Variants in ACER3 observed in about 807,000 individuals in gnomAD.
ACER3 encodes alkCDase 3.
A neutral mutation model predicts 48.9 loss-of-function variants in ACER3; 16 were observed. That is an observed-to-expected ratio of 0.33 (90% CI 0.22 to 0.50). The LOEUF is 0.50. Ranked by LOEUF, ACER3 falls within the 20% of genes least tolerant of loss-of-function variation. ACER3 has a pLI of 0.98. For synonymous variants in ACER3, 109 were observed against 107.8 expected, an observed-to-expected ratio of 1.01 and a Z score of -0.07; for missense variants, 227 against 326.0, an observed-to-expected ratio of 0.70 and a Z score of 2.34.
intron 1 of ACER3, among the ~76,000 whole-genome samples, chr11:76,890,503 G>A (rs890288871): frequency 1.3e-5 from 2 of 152,124 alleles, no homozygotes; most frequent in African/African-American, 4.8e-5. Flanking sequence ...ATGAAATGGA[G>A]GATACTAGAG....
chr11:76,897,034 T>C (rs1038377771), intron 1 of ACER3, among the ~76,000 whole-genome samples: 1 of 152,130 alleles, frequency 6.6e-6, no homozygotes, highest in Non-Finnish European at 1.5e-5. Context: ...CTCAGCTCAC[T>C]GCAACCTCCA....
intron 2 of ACER3, among the ~76,000 whole-genome samples, chr11:76,932,442 TAAGA>T (rs1947031942): frequency 6.6e-6 from 1 of 152,218 alleles, no homozygotes; most frequent in Non-Finnish European, 1.5e-5. Flanking sequence ...ATATGCATTT[TAAGA>T]AAGTTACTTG....
rs398016733 is a variant in ACER3 at position 76,952,668 on chromosome 11, C to CTTTTTTT, written c.215-6300_215-6294dup. On this transcript the variant is annotated intron_variant, in intron 2 of 10. Coordinates refer to ENST00000532485, the MANE Select transcript of ACER3 (RefSeq NM_018367.7). ...TGGCTATAGAAGTTACGTAAGATTT[C>CTTTTTTT]TTTTTTTTTTTTTTTTTAGACAGAG... Among the ~76,000 whole-genome samples, 3 of 132,992 alleles carry CTTTTTTT rather than the reference C, an allele frequency of 2.3e-5. 1 individual carries two copies. Among genetic ancestry groups the CTTTTTTT allele is most frequent in the Non-Finnish European group, 4.7e-5 (3 of 63,226 alleles). The allele number at this position is 132,992 out of a possible 152,430, so 87.2% of individuals were successfully genotyped here.
chr11:77,012,416 C>CAAAA (rs35917677), intron 7 of ACER3, among the ~76,000 whole-genome samples: 9 of 21,362 alleles, frequency 4.2e-4, no homozygotes, highest in African/African-American at 5.8e-4. Context: ...GACTCCATCT[C>CAAAA]AAAAAAAAAA....
chr11:76,924,058 C>G (rs181059225), intron 1 of ACER3, among the ~76,000 whole-genome samples: 1 of 152,214 alleles, frequency 6.6e-6, no homozygotes, highest in Admixed American at 6.5e-5. Context: ...CGCTTTGTTT[C>G]CTCATCAGGG....
At chr11:77,010,347 C>CT (rs1457446227) in intron 7 of ACER3, among the ~76,000 whole-genome samples, 1 of 146,316 alleles carries the variant, frequency 6.8e-6, no homozygotes, top group Admixed American at 7.0e-5. Context: ...GACTTTCTGT[C>CT]TAATTTTTTT....
At chr11:76,968,480 G>A (rs1948200610) in intron 3 of ACER3, among the ~76,000 whole-genome samples, 1 of 152,134 alleles carries the variant, frequency 6.6e-6, no homozygotes, top group South Asian at 2.1e-4. Flanking sequence ...AGCCCGCATA[G>A]CCAAGTCAAT....
At chr11:76,986,554 C>A (rs1397553663) in intron 5 of ACER3, among the ~76,000 whole-genome samples, 2 of 152,122 alleles carry the variant, frequency 1.3e-5, no homozygotes, top group African/African-American at 2.4e-5. Context: ...AGTGAACTAC[C>A]ATTTTCAATC....
In ACER3 at chr11:76,916,784, T is replaced by C. The variant is rs191705280; in HGVS notation, c.104-9773T>C. On this transcript the variant is annotated intron_variant, in intron 1 of 10. Coordinates refer to ENST00000532485, the MANE Select transcript of ACER3 (RefSeq NM_018367.7). The stretch of plus-strand genomic sequence containing the variant: ...ATGTTCATTTCACCAACTATTTCTC[T>C]AGGGATTTCAAGACCCTGTTACTTA... 1.5e-3 allele frequency among the ~76,000 whole-genome samples: 230 copies of C among 152,350 alleles called. 2 individuals carry two copies. Among genetic ancestry groups the C allele is most frequent in the Non-Finnish European group, 2.9e-3 (197 of 68,014 alleles).
chr11:76,886,356 TAA>T (rs1945671497), intron 1 of ACER3, among the ~76,000 whole-genome samples: 1 of 152,210 alleles, frequency 6.6e-6, no homozygotes, highest in Non-Finnish European at 1.5e-5. Context: ...TAGACCATGG[TAA>T]AGAGATTGGC....
intron 2 of ACER3, among the ~76,000 whole-genome samples, chr11:76,942,453 ATGATTTGCATTTAT>A (rs1241160200): frequency 4.6e-5 from 7 of 151,624 alleles, no homozygotes; most frequent in Non-Finnish European, 1.0e-4. Flanking sequence ...TTTTTATGTG[ATGATTTGCATTTAT>A]TGATTTGCAT....
chr11:76,989,849 G>T (rs1948762975), intron 5 of ACER3, among the ~76,000 whole-genome samples: 1 of 152,182 alleles, frequency 6.6e-6, no homozygotes, highest in African/African-American at 2.4e-5. Flanking sequence ...GGCAATACAT[G>T]CATGTTAAAT....
At chr11:77,015,323 C>A in intron 8 of ACER3, 2 of 436,950 alleles carry the variant, frequency 4.6e-6, no homozygotes, top group Non-Finnish European at 4.0e-6. Flanking sequence ...TATTTCATAA[C>A]CTCTGTAGGG....
intron 1 of ACER3, among the ~76,000 whole-genome samples, chr11:76,914,658 T>A (rs1331538831): frequency 4.6e-5 from 7 of 152,154 alleles, no homozygotes; most frequent in African/African-American, 1.7e-4. Flanking sequence ...AGGATCTAGA[T>A]CTAGAAATAC....
chr11:76,943,001 T>A (rs1223769125), intron 2 of ACER3, among the ~76,000 whole-genome samples: 2 of 152,064 alleles, frequency 1.3e-5, no homozygotes, highest in Non-Finnish European at 2.9e-5. Context: ...CTTTTGTATT[T>A]TTGTGGTATC....
chr11:77,013,036 A>G (rs1390012600), intron 7 of ACER3, among the ~76,000 whole-genome samples: 1 of 152,206 alleles, frequency 6.6e-6, no homozygotes, highest in Non-Finnish European at 1.5e-5. Flanking sequence ...TTTTCAACAA[A>G]TTGTGCTGGA....
intron 4 of ACER3, among the ~76,000 whole-genome samples, chr11:76,976,756 C>T (rs1591021123): frequency 6.6e-6 from 1 of 152,100 alleles, no homozygotes; most frequent in African/African-American, 2.4e-5. Flanking sequence ...ACTTAATCTC[C>T]TTTTTGTTTG....
At chr11:76,963,483 G>A (rs1948054402) in intron 3 of ACER3, among the ~76,000 whole-genome samples, 4 of 148,244 alleles carry the variant, frequency 2.7e-5, no homozygotes, top group East Asian at 2.0e-4. Context: ...ATTAGACAAC[G>A]AGACCAGTGA....
chr11:76,964,837 G>A (rs533242720), intron 3 of ACER3, among the ~76,000 whole-genome samples: 2 of 151,184 alleles, frequency 1.3e-5, no homozygotes, highest in South Asian at 4.2e-4. Context: ...AAAGACCAAA[G>A]GTAGATAAAA....
Sources: allele counts gnomAD v4.1 joint callset (sites outside exome capture counted in the v4.1 genomes callset), GRCh38; gene constraint gnomAD v4.1.1; transcripts MANE v1.5; gene names NCBI Gene and HGNC (gene_info 2026-07-23, HGNC 2026-07-21).